NAALADL2: variants seen among roughly 807,000 people sequenced by gnomAD.
NAALADL2 encodes inactive N-acetylated-alpha-linked acidic dipeptidase-like protein 2.
A neutral mutation model predicts 87.2 loss-of-function variants in NAALADL2; 76 were observed. The ratio of observed to expected loss-of-function variants is 0.87; its 90% CI spans 0.72 to 1.05. The LOEUF is 1.05. Ranked by LOEUF, NAALADL2 falls within the 50% of genes least tolerant of loss-of-function variation. The pLI, the probability that NAALADL2 is intolerant of heterozygous loss-of-function variation, is 0.00. For missense variants in NAALADL2, 1,089 were observed against 945.8 expected (o/e 1.15, Z -1.99); for synonymous variants, 354 against 331.0 (o/e 1.07, Z -0.75).
chr3:175,424,211 C>G (rs955361983), intron 5 of NAALADL2, among the ~76,000 whole-genome samples: 5 of 152,146 alleles, frequency 3.3e-5, no homozygotes, highest in African/African-American at 1.2e-4. Context: ...TGTAGGTTGC[C>G]TGTTCACTCT....
intron 12 of NAALADL2, among the ~76,000 whole-genome samples, chr3:175,750,276 A>G (rs1181415918): frequency 2.0e-5 from 3 of 152,172 alleles, no homozygotes; most frequent in African/African-American, 7.2e-5. Flanking sequence ...GCTAGAAGGC[A>G]GAAGATTCCC....
In NAALADL2 at chr3:175,525,583, AT is replaced by A. The variant is rs1011071708; in HGVS notation, c.1654-50448del. On this transcript the variant is annotated intron_variant, in intron 9 of 13. Coordinates refer to ENST00000454872, the MANE Select transcript of NAALADL2 (RefSeq NM_207015.3). ...TCCTCAATAATTATTTTGAAAAAGGATTTTTTTTTTGTCAGATGCATTTGAG... is the reference window on the plus strand; with the variant it reads ...TCCTCAATAATTATTTTGAAAAAGGATTTTTTTTTGTCAGATGCATTTGAG... 5.0e-3 allele frequency among the ~76,000 whole-genome samples: 751 copies of A among 149,770 alleles called. 6 individuals are homozygous for A. Among genetic ancestry groups the A allele is most frequent in the African/African-American group, 0.017 (694 of 41,038 alleles).
intron 11 of NAALADL2, among the ~76,000 whole-genome samples, chr3:175,674,747 A>C (rs1379388593): frequency 2.0e-5 from 3 of 152,166 alleles, no homozygotes; most frequent in Non-Finnish European, 4.4e-5. Flanking sequence ...TATTTGTAAA[A>C]TAAAGTAAAA....
At chr3:174,695,381 C>A (rs1037980507) in intron 2 of NAALADL2, among the ~76,000 whole-genome samples, 2 of 151,970 alleles carry the variant, frequency 1.3e-5, no homozygotes, top group African/African-American at 2.4e-5. Context: ...CAGATTCTTT[C>A]ATTCTCATCT....
chr3:175,165,975 G>A (rs147870233), intron 2 of NAALADL2, among the ~76,000 whole-genome samples: 1 of 151,236 alleles, frequency 6.6e-6, no homozygotes, highest in Non-Finnish European at 1.5e-5. Flanking sequence ...CCTCACATTA[G>A]TTCTCCTGCT....
chr3:175,267,703 A>G (rs1244634185), intron 4 of NAALADL2, among the ~76,000 whole-genome samples: 1 of 152,104 alleles, frequency 6.6e-6, no homozygotes, highest in Non-Finnish European at 1.5e-5. Flanking sequence ...AGTGGTCTTC[A>G]TGTGTACATT....
intron 5 of NAALADL2, among the ~76,000 whole-genome samples, chr3:175,445,276 CT>C (rs1305323643): frequency 6.6e-6 from 1 of 152,048 alleles, no homozygotes; most frequent in African/African-American, 2.4e-5. Context: ...GTTATTATAA[CT>C]GTTTTATCTT....
intron 11 of NAALADL2, among the ~76,000 whole-genome samples, chr3:175,659,193 G>T (rs1343275435): frequency 1.3e-5 from 2 of 152,104 alleles, no homozygotes; most frequent in African/African-American, 4.8e-5. Flanking sequence ...ATACATGTTA[G>T]TGTTATGTAT....
Position 175,699,308 on chromosome 3 carries a change from TTTTG to T in NAALADL2, c.1897-37990_1897-37987del, listed in dbSNP as rs1163432292. 2.0e-5 allele frequency among the ~76,000 whole-genome samples: 3 copies of T among 152,050 alleles called. No homozygotes were observed. In the East Asian group the frequency reaches 5.8e-4, roughly 29 times the overall value. ...TATAATTATTATAATTAATTGAGTC[TTTTG>T]TTTGTTTTCCTATTATCCATATAGA... On this transcript the variant is annotated intron_variant, in intron 11 of 13. Coordinates refer to ENST00000454872, the MANE Select transcript of NAALADL2 (RefSeq NM_207015.3).
chr3:174,654,525 AT>A (rs917823695), intron 2 of NAALADL2, among the ~76,000 whole-genome samples: 14 of 152,230 alleles, frequency 9.2e-5, no homozygotes, highest in African/African-American at 3.1e-4. Flanking sequence ...GGCAAAAAAA[AT>A]CTTTATATTT....
chr3:175,567,718 CTTTT>C (rs536353071), intron 9 of NAALADL2, among the ~76,000 whole-genome samples: 1 of 138,172 alleles, frequency 7.2e-6, no homozygotes. Flanking sequence ...TTTTTCTTTT[CTTTT>C]TTTTTTTTTT....
At chr3:175,013,079 A>AATACATATTTATATATAAAT (rs1325224216) in intron 1 of NAALADL2, among the ~76,000 whole-genome samples, 82 of 89,376 alleles carry the variant, frequency 9.2e-4, no homozygotes, top group East Asian at 1.7e-3. Context: ...ATAAATATGT[A>AATACATATTTATATATAAAT]ATACATATTT....
At chr3:174,534,006 T>C (rs1197597037) in intron 1 of NAALADL2, among the ~76,000 whole-genome samples, 2 of 152,182 alleles carry the variant, frequency 1.3e-5, no homozygotes, top group African/African-American at 4.8e-5. Flanking sequence ...GACAATAATT[T>C]TTTAAAAAGC....
At chr3:175,789,083 C>G (rs980001722) in intron 13 of NAALADL2, among the ~76,000 whole-genome samples, 3 of 152,070 alleles carry the variant, frequency 2.0e-5, no homozygotes, top group Admixed American at 1.3e-4. Context: ...GCCAAATATG[C>G]AGAAGACCAT....
At chr3:174,817,326 G>A (rs1720916638) in intron 3 of NAALADL2, among the ~76,000 whole-genome samples, 1 of 152,214 alleles carries the variant, frequency 6.6e-6, no homozygotes, top group South Asian at 2.1e-4. Flanking sequence ...TTTAGGCTGG[G>A]CACAGTGGCT....
In NAALADL2 at chr3:175,766,517, C is replaced by T. The variant is rs771240231; in HGVS notation, c.2189+11099C>T. On this transcript the variant is annotated intron_variant, in intron 13 of 13. Coordinates refer to ENST00000454872, the MANE Select transcript of NAALADL2 (RefSeq NM_207015.3). ...AGTATTCATAACTAATACAAATTTACTTCCATATTTTTAAATGCATTTCAG... is the reference window on the plus strand; with the variant it reads ...AGTATTCATAACTAATACAAATTTATTTCCATATTTTTAAATGCATTTCAG... 2.9e-4 allele frequency among the ~76,000 whole-genome samples: 44 copies of T among 152,100 alleles called. 1 individual carries two copies. Among genetic ancestry groups the T allele is most frequent in the Non-Finnish European group, 1.2e-4 (8 of 68,006 alleles).
chr3:175,311,771 C>A (rs749438964), intron 4 of NAALADL2, among the ~76,000 whole-genome samples: 3 of 150,844 alleles, frequency 2.0e-5, no homozygotes, highest in Non-Finnish European at 4.4e-5. Flanking sequence ...ATGATAAAAG[C>A]TGAAGATTAT....
Position 175,324,230 on chromosome 3 carries a change from G to T in NAALADL2, c.995G>T (p.Cys332Phe), listed in dbSNP as rs1359033580. ...FGGVLLYIDP[C>F]DLPKTVNPSH... is the part of the protein sequence containing the mutation. ...GGTGTTCTTCTGTATATCGATCCTT[G>T]TGATTTGCCAAAGACTGTGAATCCT... The change falls in exon 5 of 14, where the codon TGT becomes TTT. Residue 332 changes from cysteine to phenylalanine, a missense_variant. Transcript: ENST00000454872. 2.5e-6 allele frequency: 4 copies of T among 1,613,508 alleles called. No individual in the cohort carries two copies. The highest frequency in any genetic ancestry group is 1.3e-5 in the African/African-American group (1 of 74,820).
chr3:175,499,754 A>G (rs1301535742), intron 9 of NAALADL2, among the ~76,000 whole-genome samples: 2 of 152,206 alleles, frequency 1.3e-5, no homozygotes, highest in South Asian at 4.1e-4. Flanking sequence ...TGCCTCTTAC[A>G]TATTAGCTGT....
Sources: gnomAD v4.1 joint callset for allele counts (sites outside exome capture counted in the v4.1 genomes callset) on GRCh38, gnomAD v4.1.1 for gene constraint, MANE v1.5 for transcripts, NCBI Gene and HGNC (gene_info 2026-07-23, HGNC 2026-07-21) for gene names.